PLPPR5: variants seen among roughly 807,000 people sequenced by gnomAD.
PLPPR5 encodes phospholipid phosphatase related 5.
In PLPPR5, 16 loss-of-function variants were observed where a neutral mutation model predicts 33.9. That is an observed-to-expected ratio of 0.47 (90% CI 0.32 to 0.72). PLPPR5 has a LOEUF of 0.72. Ranked by LOEUF, PLPPR5 falls within the 30% of genes least tolerant of loss-of-function variation. PLPPR5 has a pLI of 0.03. For missense variants in PLPPR5, 301 were observed against 406.7 expected (o/e 0.74, Z 2.23); for synonymous variants, 163 against 150.3 (o/e 1.08, Z -0.62).
At chr1:98,909,256 T>C (rs1460711491) in intron 5 of PLPPR5, among the ~76,000 whole-genome samples, 4 of 98,280 alleles carry the variant, frequency 4.1e-5, no homozygotes, top group African/African-American at 1.6e-4. Flanking sequence ...TTCCCCTCCC[T>C]TCCCCCTCCC....
intron 1 of PLPPR5, among the ~76,000 whole-genome samples, chr1:98,990,123 C>T (rs913479178): frequency 6.6e-6 from 1 of 152,118 alleles, no homozygotes; most frequent in Non-Finnish European, 1.5e-5. Context: ...CACACCAGCA[C>T]TTTGGGAGGC....
intron 1 of PLPPR5, among the ~76,000 whole-genome samples, chr1:98,971,636 A>ATTGTGGGCT (rs1651664451): frequency 6.6e-6 from 1 of 151,978 alleles, no homozygotes; most frequent in African/African-American, 2.4e-5. Context: ...TTTTCTACTG[A>ATTGTGGGCT]GTCCTATTGT....
chr1:98,965,363 A>G (rs746222665), intron 1 of PLPPR5, among the ~76,000 whole-genome samples: 8 of 152,154 alleles, frequency 5.3e-5, no homozygotes, highest in Non-Finnish European at 1.0e-4. Flanking sequence ...GTTGAACACT[A>G]TGAAGCTCCT....
intron 1 of PLPPR5, among the ~76,000 whole-genome samples, chr1:98,982,608 A>T (rs1276537353): frequency 6.6e-6 from 1 of 152,088 alleles, no homozygotes; most frequent in East Asian, 1.9e-4. Flanking sequence ...TGGAACACTC[A>T]TTCTATTTTA....
chr1:98,897,437 T>A (rs1225281229), intron 5 of PLPPR5, among the ~76,000 whole-genome samples: 1 of 152,208 alleles, frequency 6.6e-6, no homozygotes, highest in Non-Finnish European at 1.5e-5. Flanking sequence ...TTAAACATTG[T>A]CTTAATTTAT....
upstream of PLPPR5, chr1:99,005,019 A>C (rs1200718794): frequency 6.5e-6 from 1 of 153,034 alleles, no homozygotes; most frequent in Non-Finnish European, 1.5e-5. Context: ...CCATTCGAGA[A>C]GCAGCGGCGC....
At chr1:98,959,486 C>T (rs1398702283) in intron 1 of PLPPR5, among the ~76,000 whole-genome samples, 2 of 152,164 alleles carry the variant, frequency 1.3e-5, no homozygotes, top group African/African-American at 2.4e-5. Context: ...AATTGAAGGG[C>T]AGGGAGCTTG....
intron 1 of PLPPR5, among the ~76,000 whole-genome samples, chr1:98,958,526 A>C (rs1466613572): frequency 6.6e-6 from 1 of 152,152 alleles, no homozygotes; most frequent in Non-Finnish European, 1.5e-5. Flanking sequence ...TGGGAGAGAT[A>C]AGAACTTCCA....
chr1:98,976,676 G>A lies in PLPPR5; in HGVS notation c.238-19935C>T, dbSNP rs113549400. 9.5e-4 allele frequency among the ~76,000 whole-genome samples: 144 copies of A among 152,026 alleles called. 1 individual carries two copies. Among genetic ancestry groups the A allele is most frequent in the Middle Eastern group, 6.8e-3 (2 of 294 alleles). ...AAGTGCAAAATTCAGACTAGATTTC[G>A]AAGACTTAGTACAAAAACGATAACT... is the stretch of plus-strand genomic sequence containing the variant. On this transcript the variant is annotated intron_variant, in intron 1 of 5. Coordinates refer to ENST00000263177, the MANE Select transcript of PLPPR5 (RefSeq NM_001037317.2).
At chr1:98,921,768 ATTTG>A (rs1454962412) in intron 4 of PLPPR5, 110 bp downstream of exon 4, 4 of 791,156 alleles carry the variant, frequency 5.1e-6, no homozygotes, top group Admixed American at 5.4e-5. Context: ...TAAATGAATG[ATTTG>A]TTTGATATAC....
intron 1 of PLPPR5, among the ~76,000 whole-genome samples, chr1:98,957,021 T>A (rs571293000): frequency 1.2e-4 from 18 of 151,904 alleles, no homozygotes; most frequent in South Asian, 6.3e-4. Flanking sequence ...AAATGATGAG[T>A]TCATGTCCTT....
At chr1:98,899,858 A>G (rs1004818038) in intron 5 of PLPPR5, among the ~76,000 whole-genome samples, 1 of 151,906 alleles carries the variant, frequency 6.6e-6, no homozygotes, top group Non-Finnish European at 1.5e-5. Flanking sequence ...ATGTTTCCCA[A>G]ACGTATTGAC....
At chr1:98,905,155 C>T (rs986361249) in intron 5 of PLPPR5, among the ~76,000 whole-genome samples, 1 of 152,090 alleles carries the variant, frequency 6.6e-6, no homozygotes, top group Non-Finnish European at 1.5e-5. Context: ...CTTAAAGTCC[C>T]TTTATGGAAG....
At chr1:98,978,551 T>C (rs1178440755) in intron 1 of PLPPR5, among the ~76,000 whole-genome samples, 1 of 152,030 alleles carries the variant, frequency 6.6e-6, no homozygotes, top group Non-Finnish European at 1.5e-5. Context: ...AACACATCTT[T>C]TGCCATTACT....
chr1:98,993,259 T>C (rs910849068), intron 1 of PLPPR5, among the ~76,000 whole-genome samples: 6 of 152,240 alleles, frequency 3.9e-5, no homozygotes, highest in Non-Finnish European at 7.4e-5. Context: ...GTTCCAGTTA[T>C]GAAGAAGCAT....
intron 4 of PLPPR5, among the ~76,000 whole-genome samples, chr1:98,920,852 T>C (rs371264243): frequency 2.0e-5 from 3 of 152,164 alleles, no homozygotes; most frequent in Non-Finnish European, 4.4e-5. Flanking sequence ...AATGTGTCAA[T>C]GCAAAAATAT....
At chr1:98,953,614 G>A (rs945737718) in intron 2 of PLPPR5, among the ~76,000 whole-genome samples, 6 of 152,056 alleles carry the variant, frequency 3.9e-5, no homozygotes, top group African/African-American at 1.4e-4. Context: ...CAGACTCCGG[G>A]TAATGCAATT....
intron 3 of PLPPR5, among the ~76,000 whole-genome samples, chr1:98,952,559 A>G (rs897008432): frequency 7.2e-5 from 11 of 152,252 alleles, no homozygotes; most frequent in African/African-American, 2.7e-4. Context: ...AGGAAAAAAT[A>G]GAATTTCTAA....
At chr1:98,953,379 G>GTA in intron 2 of PLPPR5, 59 bp from the exon 3 acceptor site, 2 of 1,540,058 alleles carry the variant, frequency 1.3e-6, no homozygotes, top group Non-Finnish European at 1.7e-6. Flanking sequence ...GTGTGTGTGT[G>GTA]TGTGTGTGTG....
Sources: gnomAD v4.1 joint callset for allele counts (sites outside exome capture counted in the v4.1 genomes callset) on GRCh38, gnomAD v4.1.1 for gene constraint, MANE v1.5 for transcripts, NCBI Gene and HGNC (gene_info 2026-07-23, HGNC 2026-07-21) for gene names.